Variants in HS3ST5 observed in about 807,000 individuals in gnomAD.
HS3ST5 encodes heparan sulfate glucosamine 3-O-sulfotransferase 5.
HS3ST5 carries 10 observed loss-of-function variants against 25.4 expected under a neutral mutation model. The observed-to-expected ratio is 0.39, with a 90% CI of 0.24 to 0.67. HS3ST5 has a LOEUF of 0.67. Ranked by LOEUF, HS3ST5 falls within the 30% of genes least tolerant of loss-of-function variation. The pLI is 0.44. For synonymous variants in HS3ST5, 170 were observed against 162.4 expected, an observed-to-expected ratio of 1.05 and a Z score of -0.36; for missense variants, 324 against 420.7, an observed-to-expected ratio of 0.77 and a Z score of 2.01.
chr6:114,319,935 A>G (rs2114875145), intron 1 of HS3ST5, among the ~76,000 whole-genome samples: 1 of 152,098 alleles, frequency 6.6e-6, no homozygotes, highest in East Asian at 1.9e-4. Context: ...ATCCTTTTTC[A>G]TAACAATGGA....
intron 3 of HS3ST5, among the ~76,000 whole-genome samples, chr6:114,112,024 TG>T (rs1042963690): frequency 2.6e-5 from 4 of 152,140 alleles, no homozygotes; most frequent in African/African-American, 9.7e-5. Context: ...TTGGAGTCCA[TG>T]GTTCCGCTGT....
At chr6:114,309,594 T>C (rs1382546879) in intron 1 of HS3ST5, among the ~76,000 whole-genome samples, 1 of 152,000 alleles carries the variant, frequency 6.6e-6, no homozygotes, top group Non-Finnish European at 1.5e-5. Context: ...TTAACCGGGC[T>C]TGGTGGTGTG....
intron 2 of HS3ST5, among the ~76,000 whole-genome samples, chr6:114,221,077 C>G (rs1468988096): frequency 6.6e-6 from 1 of 152,004 alleles, no homozygotes; most frequent in Non-Finnish European, 1.5e-5. Flanking sequence ...CTTGCACACA[C>G]CATCTAACCT....
At chr6:114,099,053 G>A (rs148930103) in intron 3 of HS3ST5, among the ~76,000 whole-genome samples, 1 of 152,222 alleles carries the variant, frequency 6.6e-6, no homozygotes, top group Non-Finnish European at 1.5e-5. Context: ...GAGCAGTCAA[G>A]AGCTGGTCTA....
intron 4 of HS3ST5, among the ~76,000 whole-genome samples, chr6:114,061,524 T>A (rs552597466): frequency 5.5e-4 from 84 of 152,310 alleles, no homozygotes; most frequent in Non-Finnish European, 9.4e-4. Context: ...GTCTACAGAT[T>A]AGCTTAAATT....
chr6:114,170,044 A>G (rs1034524468), intron 2 of HS3ST5, among the ~76,000 whole-genome samples: 1 of 152,182 alleles, frequency 6.6e-6, no homozygotes, highest in Non-Finnish European at 1.5e-5. Flanking sequence ...CAGCTTTATC[A>G]GCTCTTTCAA....
intron 1 of HS3ST5, among the ~76,000 whole-genome samples, chr6:114,277,308 C>T (rs968878254): frequency 1.3e-5 from 2 of 150,594 alleles, no homozygotes; most frequent in Admixed American, 6.6e-5. Flanking sequence ...TATTGTCTGC[C>T]CATGGTGGAT....
intron 1 of HS3ST5, among the ~76,000 whole-genome samples, chr6:114,269,814 C>G (rs534130389): frequency 1.1e-4 from 17 of 152,256 alleles, no homozygotes; most frequent in Non-Finnish European, 2.4e-4. Flanking sequence ...AGTCCAATCC[C>G]CTCAGTTTAT....
intron 1 of HS3ST5, among the ~76,000 whole-genome samples, chr6:114,279,013 G>A (rs999191405): frequency 6.6e-6 from 1 of 151,960 alleles, no homozygotes; most frequent in African/African-American, 2.4e-5. Flanking sequence ...TAGATAAATA[G>A]GCAGTAAACT....
intron 3 of HS3ST5, among the ~76,000 whole-genome samples, chr6:114,091,795 C>T (rs1775134156): frequency 6.6e-6 from 1 of 152,176 alleles, no homozygotes; most frequent in Non-Finnish European, 1.5e-5. Flanking sequence ...TCCTGAATTA[C>T]CTGTGTTTCT....
intron 1 of HS3ST5, among the ~76,000 whole-genome samples, chr6:114,299,336 A>G (rs921392177): frequency 7.2e-5 from 11 of 152,326 alleles, no homozygotes; most frequent in Admixed American, 5.2e-4. Context: ...ATCAATGACA[A>G]TGGTGCCCGA....
intron 2 of HS3ST5, among the ~76,000 whole-genome samples, chr6:114,180,905 C>T (rs992935823): frequency 7.2e-5 from 11 of 152,182 alleles, no homozygotes; most frequent in Non-Finnish European, 7.3e-5. Context: ...CAATAACAAC[C>T]AAACACGTTC....
chr6:114,311,441 A>G (rs949374292), intron 1 of HS3ST5, among the ~76,000 whole-genome samples: 3 of 152,140 alleles, frequency 2.0e-5, no homozygotes, highest in African/African-American at 7.2e-5. Flanking sequence ...TTTACAAACA[A>G]ACATATTTCC....
intron 1 of HS3ST5, among the ~76,000 whole-genome samples, chr6:114,272,882 T>C (rs1017324368): frequency 6.6e-6 from 1 of 151,998 alleles, no homozygotes; most frequent in South Asian, 2.1e-4. Context: ...AGTGTCTGAC[T>C]AGAGTGGAGT....
intron 3 of HS3ST5, among the ~76,000 whole-genome samples, chr6:114,064,243 G>C (rs1038377627): frequency 3.3e-5 from 5 of 152,158 alleles, no homozygotes; most frequent in Non-Finnish European, 5.9e-5. Flanking sequence ...TTGAGTGATT[G>C]ATCTATTCAT....
At chr6:114,159,689 T>A (rs1416841836) in intron 3 of HS3ST5, among the ~76,000 whole-genome samples, 2 of 152,148 alleles carry the variant, frequency 1.3e-5, no homozygotes, top group Non-Finnish European at 2.9e-5. Context: ...TGTATACATT[T>A]TTCTGTGTGT....
At chr6:114,198,982 T>A (rs1367699900) in intron 2 of HS3ST5, among the ~76,000 whole-genome samples, 2 of 152,126 alleles carry the variant, frequency 1.3e-5, no homozygotes, top group Non-Finnish European at 2.9e-5. Context: ...ACAAACATTT[T>A]ACAAACTTAA....
chr6:114,080,791 G>A (rs1195245260), intron 3 of HS3ST5, among the ~76,000 whole-genome samples: 1 of 152,144 alleles, frequency 6.6e-6, no homozygotes, highest in African/African-American at 2.4e-5. Flanking sequence ...AGGTAGGAGG[G>A]AGAGAAGGGG....
At chr6:114,293,023 T>G (rs1774650312) in intron 1 of HS3ST5, among the ~76,000 whole-genome samples, 1 of 152,116 alleles carries the variant, frequency 6.6e-6, no homozygotes, top group Admixed American at 6.6e-5. Context: ...GACTGTACAT[T>G]AATGATCATA....
Sources: gnomAD v4.1 joint callset for allele counts (sites outside exome capture counted in the v4.1 genomes callset) on GRCh38, gnomAD v4.1.1 for gene constraint, MANE v1.5 for transcripts, NCBI Gene and HGNC (gene_info 2026-07-23, HGNC 2026-07-21) for gene names.